The following CPNE3 variants were observed in gnomAD, a reference collection of about 807,000 sequenced individuals.
The protein encoded by CPNE3 is copine-3.
A neutral mutation model predicts 63.9 loss-of-function variants in CPNE3; 68 were observed. The observed-to-expected ratio is 1.06, with a 90% CI of 0.87 to 1.30. CPNE3 has a LOEUF of 1.30. Ranked by LOEUF, CPNE3 falls within the 50% of genes most tolerant of loss-of-function variation. CPNE3 has a pLI of 0.00. For missense variants in CPNE3, 665 were observed against 578.1 expected, an observed-to-expected ratio of 1.15 and a Z score of -1.54; for synonymous variants, 219 against 197.5, an observed-to-expected ratio of 1.11 and a Z score of -0.91.
chr8:86,529,767 T>C (rs1197897111), intron 4 of CPNE3, among the ~76,000 whole-genome samples: 4 of 152,168 alleles, frequency 2.6e-5, no homozygotes, highest in African/African-American at 4.8e-5. Flanking sequence ...AAGGAGAGAT[T>C]ATGACCATTT....
At chr8:86,533,693 A>G (rs1006796327) in intron 6 of CPNE3, among the ~76,000 whole-genome samples, 1 of 151,946 alleles carries the variant, frequency 6.6e-6, no homozygotes, top group South Asian at 2.1e-4. Flanking sequence ...ATTATAACTC[A>G]TGGCCAATTT....
At chr8:86,517,175 C>T (rs1451625422) in intron 2 of CPNE3, among the ~76,000 whole-genome samples, 1 of 152,036 alleles carries the variant, frequency 6.6e-6, no homozygotes, top group African/African-American at 2.4e-5. Context: ...AATATAACAG[C>T]TTAGCAGTAT....
At chr8:86,533,225 C>T (rs1820724205) in intron 6 of CPNE3, among the ~76,000 whole-genome samples, 1 of 151,906 alleles carries the variant, frequency 6.6e-6, no homozygotes, top group South Asian at 2.1e-4. Flanking sequence ...AGTCAATATT[C>T]TTCATTGTTT....
chr8:86,547,504 A>G (rs1821077979), intron 10 of CPNE3: 3 of 498,520 alleles, frequency 6.0e-6, no homozygotes, highest in Non-Finnish European at 1.1e-5. Context: ...TTCTAATCTT[A>G]ACATTGCTAC....
chr8:86,520,525 G>A (rs1207464480), intron 2 of CPNE3, among the ~76,000 whole-genome samples: 4 of 150,440 alleles, frequency 2.7e-5, no homozygotes, highest in Non-Finnish European at 5.9e-5. Flanking sequence ...TTGCACTCCA[G>A]CATGGGCGAC....
Position 86,548,833 on chromosome 8 carries a change from TTAAATACTAAATACTATTTA to T in CPNE3, c.1013+421_1013+440del, listed in dbSNP as rs531234622. ...TTATAAATACTAAATATTATTTATG[TTAAATACTAAATACTATTTA>T]TAAATACTAAATACTATTTATGTTA... On this transcript the variant is annotated intron_variant, in intron 12 of 16. Coordinates refer to ENST00000517490, the MANE Select transcript of CPNE3 (RefSeq NM_003909.5). Among the ~76,000 whole-genome samples the T allele has an allele frequency of 3.6e-3, 542 of 152,082 alleles. 5 individuals are homozygous for T. Among genetic ancestry groups the T allele is most frequent in the Non-Finnish European group, 6.5e-3 (441 of 67,988 alleles).
chr8:86,540,465 G>A (rs1563694089), intron 8 of CPNE3, 131 bp downstream of exon 8: 2 of 387,784 alleles, frequency 5.2e-6, no homozygotes, highest in Non-Finnish European at 9.1e-6. Flanking sequence ...AATTTTATGT[G>A]TGTAGAATAC....
intron 15 of CPNE3, 66 bp downstream of exon 15, chr8:86,555,050 C>A (rs1250936778): frequency 1.2e-6 from 2 of 1,600,332 alleles, no homozygotes; most frequent in African/African-American, 2.7e-5. Context: ...TGCCATTTTT[C>A]TATGTTTTTG....
chr8:86,520,662 C>CTTT (rs113992927), intron 2 of CPNE3, among the ~76,000 whole-genome samples: 7,502 of 139,940 alleles, frequency 0.054, 330 homozygotes, highest in Non-Finnish European at 0.085. Context: ...CCAGGCATTT[C>CTTT]TTTTTTTTTT....
chr8:86,540,288 T>G lies in CPNE3; in HGVS notation c.587T>G (p.Ile196Ser). 1 of 1,609,590 alleles carries G rather than the reference T, an allele frequency of 6.2e-7. No homozygotes were observed. Among genetic ancestry groups the G allele is most frequent in the East Asian group, 2.2e-5 (1 of 44,582 alleles). ...NLNPVWRPFK[I>S]SLNSLCYGDM... ...AATCCTGTTTGGAGGCCTTTCAAGA[T>G]CTCTCTTAACTCACTGTGTTACGGA... Residue 196 changes from isoleucine to serine, a missense_variant, in exon 8 of 17, where the codon ATC becomes AGC. Ile to Ser is a moderately radical substitution (Grantham distance 142). Coordinates refer to ENST00000517490, the MANE Select transcript of CPNE3 (RefSeq NM_003909.5).
chr8:86,530,668 C>T (rs988028743), intron 4 of CPNE3, among the ~76,000 whole-genome samples: 2 of 150,548 alleles, frequency 1.3e-5, no homozygotes, highest in African/African-American at 4.9e-5. Context: ...GAAGTTTTTT[C>T]CAATGAGTTT....
At chr8:86,544,992 A>G (rs976719429) in intron 9 of CPNE3, 154 bp downstream of exon 9, 5 of 390,000 alleles carry the variant, frequency 1.3e-5, no homozygotes, top group Non-Finnish European at 2.3e-5. Flanking sequence ...ATAATCCACA[A>G]TTCATACTTG....
chr8:86,558,602 G>C lies in CPNE3; in HGVS notation c.*192G>C, dbSNP rs1821374131. 2 of 521,916 alleles carry C rather than the reference G, an allele frequency of 3.8e-6. No homozygotes were observed. Among genetic ancestry groups the C allele is most frequent in the Non-Finnish European group, 6.9e-6 (2 of 290,482 alleles). 32.3% of individuals were successfully genotyped at this position (521,916 alleles called of 1,614,324 possible). A position where few individuals can be genotyped will look rare whatever the true frequency, so the allele number is the denominator to read the frequency against. The stretch of plus-strand genomic sequence containing the variant: ...ACAGTGCCAAGTCCATCTTTGCCCA[G>C]TCAATTCAGTGATTGATAGCAATTT... On this transcript the variant is annotated 3_prime_UTR_variant, in exon 17 of 17. Coordinates refer to ENST00000517490, the MANE Select transcript of CPNE3 (RefSeq NM_003909.5).
chr8:86,531,029 C>T (rs1449704851), intron 4 of CPNE3, 126 bp from the exon 5 acceptor site: 6 of 631,800 alleles, frequency 9.5e-6, no homozygotes, highest in African/African-American at 1.8e-5. Flanking sequence ...AAGAAACCAA[C>T]TGAATGTTTC....
intron 6 of CPNE3, among the ~76,000 whole-genome samples, chr8:86,534,072 A>G (rs1364217377): frequency 6.6e-6 from 1 of 151,862 alleles, no homozygotes; most frequent in African/African-American, 2.4e-5. Context: ...GCTGTAGTGC[A>G]TTATAATTAC....
intron 7 of CPNE3, 113 bp from the exon 8 acceptor site, chr8:86,540,130 ATG>A: frequency 1.5e-6 from 1 of 678,904 alleles, no homozygotes; most frequent in Non-Finnish European, 2.7e-6. Flanking sequence ...AGTTGAGTTG[ATG>A]AAGAGGTGGA....
chr8:86,551,147 C>T (rs1821166454), intron 13 of CPNE3, 36 bp from the exon 14 acceptor site: 1 of 1,613,258 alleles, frequency 6.2e-7, no homozygotes, highest in Non-Finnish European at 8.5e-7. Flanking sequence ...AGAAAAGCAG[C>T]CCAGCCCTCA....
chr8:86,523,611 A>G (rs540079127), intron 2 of CPNE3, among the ~76,000 whole-genome samples: 1 of 152,282 alleles, frequency 6.6e-6, no homozygotes, highest in African/African-American at 2.4e-5. Flanking sequence ...TTTGAGATAG[A>G]GTCTCACTCT....
At chr8:86,554,594 C>A (rs574581065) in intron 14 of CPNE3, among the ~76,000 whole-genome samples, 3 of 152,112 alleles carry the variant, frequency 2.0e-5, no homozygotes, top group African/African-American at 7.2e-5. Context: ...ACAGTCCTAC[C>A]GTAGACTAAT....
Sources: allele counts gnomAD v4.1 joint callset (sites outside exome capture counted in the v4.1 genomes callset), GRCh38; gene constraint gnomAD v4.1.1; transcripts MANE v1.5; gene names NCBI Gene and HGNC (gene_info 2026-07-23, HGNC 2026-07-21).